The following ITGA9 variants were observed in gnomAD, a reference collection of about 807,000 sequenced individuals.
The protein encoded by ITGA9 is integrin subunit alpha 9.
ITGA9 carries 56 observed loss-of-function variants against 127.8 expected under a neutral mutation model. That is an observed-to-expected ratio of 0.44 (90% CI 0.35 to 0.55). The LOEUF is 0.55. Among genes scored for constraint, ITGA9 ranks in the 20% least tolerant of loss-of-function variants. The pLI is 0.00. For missense variants in ITGA9, 1,196 were observed against 1,347.1 expected, an observed-to-expected ratio of 0.89 and a Z score of 1.76; for synonymous variants, 508 against 514.5, an observed-to-expected ratio of 0.99 and a Z score of 0.17.
At chr3:37,810,906 T>A (rs1697361497) in intron 27 of ITGA9, among the ~76,000 whole-genome samples, 1 of 152,224 alleles carries the variant, frequency 6.6e-6, no homozygotes, top group Non-Finnish European at 1.5e-5. Flanking sequence ...AGAGCTGAGC[T>A]CCAGGCTCCC....
chr3:37,586,101 A>G (rs1699756914), intron 15 of ITGA9, among the ~76,000 whole-genome samples: 1 of 152,232 alleles, frequency 6.6e-6, no homozygotes, highest in South Asian at 2.1e-4. Flanking sequence ...GGTTTTACAT[A>G]TATTCTTTCT....
At chr3:37,591,418 G>A (rs1477452000) in intron 15 of ITGA9, among the ~76,000 whole-genome samples, 1 of 152,170 alleles carries the variant, frequency 6.6e-6, no homozygotes, top group African/African-American at 2.4e-5. Context: ...AGCCATTCCT[G>A]CAGTGGACTG....
chr3:37,744,921 C>G (rs1696482946), intron 22 of ITGA9, among the ~76,000 whole-genome samples: 1 of 152,236 alleles, frequency 6.6e-6, no homozygotes, highest in Non-Finnish European at 1.5e-5. Flanking sequence ...CCTGGCGGCA[C>G]TGGCCGGACC....
At chr3:37,455,116 C>T (rs1698242442) in intron 1 of ITGA9, among the ~76,000 whole-genome samples, 1 of 152,178 alleles carries the variant, frequency 6.6e-6, no homozygotes, top group African/African-American at 2.4e-5. Context: ...TGGATCTGTC[C>T]TAAGTCTGTA....
intron 23 of ITGA9, among the ~76,000 whole-genome samples, chr3:37,755,696 A>G (rs943438613): frequency 6.6e-6 from 1 of 152,258 alleles, no homozygotes; most frequent in Non-Finnish European, 1.5e-5. Context: ...CAAAAAAGCC[A>G]GTTAAACTTA....
At chr3:37,521,808 C>T (rs1260137671) in intron 11 of ITGA9, among the ~76,000 whole-genome samples, 2 of 152,212 alleles carry the variant, frequency 1.3e-5, no homozygotes, top group African/African-American at 4.8e-5. Flanking sequence ...AATGTGCAGA[C>T]ACACGTACAT....
chr3:37,452,610 GC>G lies in ITGA9; in HGVS notation c.185+56del, dbSNP rs1219661838. On this transcript the variant is annotated intron_variant, in intron 1 of 27. Transcript: ENST00000264741. This position sits in a 1 kb window ranked among gnomAD's most constrained non-coding sequence, Gnocchi z 7.3. ...CCTGGCCCGCGCGGCCACCGCCCCG[GC>G]CCCCAGGCCAGCGCCGCCGCCGCCT... is the stretch of plus-strand genomic sequence containing the variant. 4.9e-6 allele frequency: 7 copies of G among 1,431,930 alleles called. No individual in the cohort carries two copies. The highest frequency in any genetic ancestry group is 2.6e-5 in the Admixed American group (1 of 37,826). The allele number at this position is 1,431,930 out of a possible 1,614,324, so 88.7% of individuals were successfully genotyped here.
intron 18 of ITGA9, among the ~76,000 whole-genome samples, chr3:37,709,956 C>G (rs1210559539): frequency 6.6e-6 from 1 of 152,204 alleles, no homozygotes; most frequent in Admixed American, 6.5e-5. Flanking sequence ...GCCTGGGTGA[C>G]AAGCGCGAAA....
intron 14 of ITGA9, among the ~76,000 whole-genome samples, chr3:37,535,844 G>T (rs1156966516): frequency 6.6e-6 from 1 of 152,190 alleles, no homozygotes; most frequent in Non-Finnish European, 1.5e-5. Flanking sequence ...GCATGTTTCT[G>T]TCACTTTCTC....
At chr3:37,556,317 C>T (rs80229521) in intron 15 of ITGA9, among the ~76,000 whole-genome samples, 7,358 of 152,314 alleles carry the variant, frequency 0.048, 193 homozygotes, top group Non-Finnish European at 0.052. Context: ...CCCTGCAAAT[C>T]TTTTCCTCTT....
At chr3:37,630,559 G>T (rs931886061) in intron 16 of ITGA9, among the ~76,000 whole-genome samples, 1 of 152,204 alleles carries the variant, frequency 6.6e-6, no homozygotes, top group Non-Finnish European at 1.5e-5. Flanking sequence ...CTGTGGGGGG[G>T]AAGGGAAGTG....
intron 23 of ITGA9, among the ~76,000 whole-genome samples, chr3:37,766,137 C>T (rs1266274392): frequency 2.6e-5 from 4 of 152,216 alleles, no homozygotes; most frequent in East Asian, 3.8e-4. Context: ...CGGCCATTGC[C>T]GAGAAACACA....
intron 25 of ITGA9, among the ~76,000 whole-genome samples, chr3:37,782,813 G>C (rs1037682130): frequency 6.6e-6 from 1 of 152,142 alleles, no homozygotes. Context: ...ACCTTAACAA[G>C]TTTTCATTTG....
rs143276363 is a variant in ITGA9 at position 37,689,787 on chromosome 3, G to A, written c.2067+5772G>A. Among the ~76,000 whole-genome samples the A allele has an allele frequency of 2.8e-3, 429 of 152,280 alleles. 3 individuals carry two copies. The highest frequency in any genetic ancestry group is 6.5e-3 in the African/African-American group (271 of 41,550). On this transcript the variant is annotated intron_variant, in intron 18 of 27. Coordinates refer to ENST00000264741, the MANE Select transcript of ITGA9 (RefSeq NM_002207.3). ...CATTTTAATTTTTTGCCCTGGAGCC[G>A]TTTGGCACAAAGGACTTTGGCTCTT...
At chr3:37,682,443 G>C (rs12635404) in intron 17 of ITGA9, among the ~76,000 whole-genome samples, 5 of 152,154 alleles carry the variant, frequency 3.3e-5, no homozygotes, top group Non-Finnish European at 7.3e-5. Flanking sequence ...CTCCTCTCTC[G>C]ATTTTCCTCT....
intron 23 of ITGA9, among the ~76,000 whole-genome samples, chr3:37,755,516 C>G (rs1485156101): frequency 6.6e-6 from 1 of 151,978 alleles, no homozygotes. Flanking sequence ...GTCTTCAGAG[C>G]AATGCAAAAA....
At chr3:37,568,113 G>T (rs1483402228) in intron 15 of ITGA9, among the ~76,000 whole-genome samples, 1 of 152,260 alleles carries the variant, frequency 6.6e-6, no homozygotes, top group African/African-American at 2.4e-5. Context: ...GGGCATCCAG[G>T]CATTTCCATG....
intron 15 of ITGA9, among the ~76,000 whole-genome samples, chr3:37,611,626 C>T (rs1031592087): frequency 6.6e-6 from 1 of 152,118 alleles, no homozygotes; most frequent in Non-Finnish European, 1.5e-5. Flanking sequence ...GTTCAGTTAG[C>T]CCCCAAGCTG....
intron 15 of ITGA9, among the ~76,000 whole-genome samples, chr3:37,569,664 G>T (rs529493133): frequency 4.9e-4 from 75 of 152,318 alleles, no homozygotes; most frequent in Non-Finnish European, 8.2e-4. Flanking sequence ...CCCAAAATCT[G>T]AAACTTTTTG....
Sources: allele counts gnomAD v4.1 joint callset (sites outside exome capture counted in the v4.1 genomes callset), GRCh38; gene constraint gnomAD v4.1.1; non-coding constraint Gnocchi (gnomAD v3.1); transcripts MANE v1.5; gene names NCBI Gene and HGNC (gene_info 2026-07-23, HGNC 2026-07-21).